The following GFM2 variants were observed in gnomAD, a reference collection of about 807,000 sequenced individuals.
GFM2 encodes the protein GTP dependent ribosome recycling factor mitochondrial 2.
A neutral mutation model predicts 95.4 loss-of-function variants in GFM2; 72 were observed. The observed-to-expected ratio is 0.76, with a 90% CI of 0.62 to 0.92. The LOEUF is 0.92. Among genes scored for constraint, GFM2 ranks in the 40% least tolerant of loss-of-function variants. The pLI, the probability that GFM2 is intolerant of heterozygous loss-of-function variation, is 0.00. For missense variants in GFM2, 825 were observed against 924.1 expected, an observed-to-expected ratio of 0.89 and a Z score of 1.39; for synonymous variants, 276 against 317.5, an observed-to-expected ratio of 0.87 and a Z score of 1.39.
At chr5:74,746,764 T>C (rs1043109711) in intron 8 of GFM2, among the ~76,000 whole-genome samples, 1 of 152,058 alleles carries the variant, frequency 6.6e-6, no homozygotes, top group African/African-American at 2.4e-5. Flanking sequence ...TCCCTCCCCA[T>C]TGCCAATGGC....
chr5:74,757,495 T>G (rs1407942247), intron 5 of GFM2, among the ~76,000 whole-genome samples: 1 of 151,948 alleles, frequency 6.6e-6, no homozygotes, highest in Admixed American at 6.6e-5. Context: ...TTATTCAGCC[T>G]TATAAAAGGA....
chr5:74,766,772 G>T (rs1440116755), intron 1 of GFM2, among the ~76,000 whole-genome samples, 166 bp downstream of exon 1: 1 of 152,242 alleles, frequency 6.6e-6, no homozygotes, highest in Non-Finnish European at 1.5e-5. Context: ...TTCGCCGAAT[G>T]ATAGAGAAAA....
chr5:74,758,500 G>A (rs534390827), intron 5 of GFM2, among the ~76,000 whole-genome samples: 4 of 152,232 alleles, frequency 2.6e-5, no homozygotes, highest in Admixed American at 1.3e-4. Context: ...CATTACTCTG[G>A]AGCAGCCAAA....
At chr5:74,765,812 C>T (rs1056598150) in intron 1 of GFM2, among the ~76,000 whole-genome samples, 10 of 151,870 alleles carry the variant, frequency 6.6e-5, no homozygotes, top group Non-Finnish European at 1.5e-4. Context: ...GCCCGACCAA[C>T]ATGGTGAAAC....
At chr5:74,752,426 C>G (rs574973430) in intron 5 of GFM2, among the ~76,000 whole-genome samples, 290 of 152,192 alleles carry the variant, frequency 1.9e-3, no homozygotes, top group African/African-American at 6.7e-3. Flanking sequence ...TGTATACACA[C>G]ACATAGTCTA....
chr5:74,758,899 G>A lies in GFM2; in HGVS notation c.254C>T (p.Thr85Ile), dbSNP rs1483440797. 6.2e-7 allele frequency: 1 copy of A among 1,610,476 alleles called. No individual in the cohort carries two copies. The highest frequency in any genetic ancestry group is 8.5e-7 in the Non-Finnish European group (1 of 1,176,818). Residue 85 changes from threonine to isoleucine, a missense_variant, in exon 5 of 21, where the codon ACC (threonine) becomes ATC (isoleucine). Coordinates refer to ENST00000296805, the MANE Select transcript of GFM2 (RefSeq NM_032380.5). Reference protein sequence around the residue: ...IMAHIDAGKTTTTERILYYSG... With the variant: ...IMAHIDAGKTITTERILYYSG... ...ATAGTACAATATTCTTTCTGTGGTG[G>A]TAGTTTTGCCTGCATCAATATGAGC...
intron 17 of GFM2, among the ~76,000 whole-genome samples, chr5:74,726,341 C>T (rs998487380): frequency 2.0e-5 from 3 of 152,126 alleles, no homozygotes; most frequent in African/African-American, 7.2e-5. Context: ...TAAAAACCTG[C>T]TCTGTATCAC....
rs143133388 is a variant in GFM2 at position 74,740,330 on chromosome 5, C to T, written c.931-193G>A. On this transcript the variant is annotated intron_variant, in intron 11 of 20. Transcript: ENST00000296805. ...TTTATTAGTTTATCTGTCTCCTATT[C>T]GCTAGAATGTAAAATCCATATAAGC... 4.8e-3 allele frequency among the ~76,000 whole-genome samples: 732 copies of T among 152,210 alleles called. 2 individuals are homozygous for T. Among genetic ancestry groups the T allele is most frequent in the African/African-American group, 0.016 (655 of 41,530 alleles).
At chr5:74,733,335 G>GAAA (rs59571482) in intron 15 of GFM2, 15 of 194,058 alleles carry the variant, frequency 7.7e-5, no homozygotes, top group Admixed American at 1.3e-4. Flanking sequence ...TACAAAAAAA[G>GAAA]AAAAAAAAAA....
At position 74,738,363 on chromosome 5, in the gene GFM2, A is replaced by T; in HGVS notation, c.1275T>A (p.Pro425=). ...AAGCAATGTTACCAGCAGTCAATGA[A>T]GGGATTTCTACATGTTGGTCAGCAA... The part of the protein sequence containing the change: ...LPFADQHVEI[P]SLTAGNIALT... The change falls in exon 14 of 21, where the codon CCT becomes CCA. Residue 425 remains proline, a synonymous_variant. Coordinates refer to ENST00000296805, the MANE Select transcript of GFM2 (RefSeq NM_032380.5). 1 of 1,613,682 alleles carries T rather than the reference A, an allele frequency of 6.2e-7. No individual in the cohort carries two copies. The highest frequency in any genetic ancestry group is 8.5e-7 in the Non-Finnish European group (1 of 1,179,660).
rs184208500 is a variant in GFM2, at chr5:74,744,782, T to C, written c.849+896A>G. Among the ~76,000 whole-genome samples, 562 of 152,296 alleles carry C rather than the reference T, an allele frequency of 3.7e-3. 6 individuals carry two copies. Among genetic ancestry groups the C allele is most frequent in the African/African-American group, 0.013 (536 of 41,572 alleles). ...GCACAAGTAGATACAAAAATGTTCA[T>C]AGCCACATTGTTTGTAACAGCAAAA... On this transcript the variant is annotated intron_variant, in intron 10 of 20. Transcript: ENST00000296805.
intron 17 of GFM2, among the ~76,000 whole-genome samples, chr5:74,728,756 T>C (rs1413131841): frequency 4.0e-5 from 4 of 99,930 alleles, no homozygotes; most frequent in Admixed American, 1.9e-4. Context: ...TTCTTTTTTT[T>C]TTTTTTTTTT....
At position 74,759,053 on chromosome 5, in the gene GFM2, T is replaced by C. The variant is rs1425143265; in HGVS notation, c.207-107A>G. The C allele has an allele frequency of 4.3e-6, 3 of 696,092 alleles. No individual in the cohort carries two copies. In the African/African-American group the frequency reaches 5.4e-5, roughly 13 times the overall value. The allele number at this position is 696,092 out of a possible 1,614,324, so 43.1% of individuals were successfully genotyped here. On this transcript the variant is annotated intron_variant, in intron 4 of 20. Coordinates refer to ENST00000296805, the MANE Select transcript of GFM2 (RefSeq NM_032380.5). ...TATTTCTATAATTTATAAAACTGTG[T>C]AAAAACTAGAAAAATGGAAAACATT... is the stretch of plus-strand genomic sequence containing the variant.
chr5:74,752,031 A>G (rs1361620108), intron 5 of GFM2, among the ~76,000 whole-genome samples: 2 of 152,190 alleles, frequency 1.3e-5, no homozygotes, highest in Non-Finnish European at 1.5e-5. Context: ...TAGATGATAA[A>G]TGATAGCCAC....
At chr5:74,754,509 G>A (rs1216627071) in intron 5 of GFM2, among the ~76,000 whole-genome samples, 2 of 151,982 alleles carry the variant, frequency 1.3e-5, no homozygotes, top group African/African-American at 4.8e-5. Flanking sequence ...AAGGTAAAGG[G>A]GGGAAAAAGA....
At position 74,741,629 on chromosome 5, in the gene GFM2, A is replaced by G. The variant is rs1743110621; in HGVS notation, c.850-20T>C. 1 of 1,370,488 alleles carries G rather than the reference A, an allele frequency of 7.3e-7. No individual in the cohort carries two copies. Among genetic ancestry groups the G allele is most frequent in the Non-Finnish European group, 1.0e-6 (1 of 974,718 alleles). The allele number at this position is 1,370,488 out of a possible 1,614,324, so 84.9% of individuals were successfully genotyped here. ...TGCAACCTATAAAGAAAGGTTTTAGAGTTCTATAACTTGCATTTACTTTCA... is the reference window on the plus strand; with the variant it reads ...TGCAACCTATAAAGAAAGGTTTTAGGGTTCTATAACTTGCATTTACTTTCA... On this transcript the variant is annotated intron_variant, in intron 10 of 20. Transcript: ENST00000296805.
intron 5 of GFM2, among the ~76,000 whole-genome samples, chr5:74,753,014 C>G (rs995850329): frequency 6.6e-6 from 1 of 152,070 alleles, no homozygotes; most frequent in Non-Finnish European, 1.5e-5. Context: ...TAATCCCCCC[C>G]ACCAAAAATC....
intron 17 of GFM2, among the ~76,000 whole-genome samples, chr5:74,728,393 T>C (rs570214038): frequency 1.1e-4 from 16 of 152,198 alleles, no homozygotes; most frequent in African/African-American, 3.9e-4. Context: ...AAGTAGAACA[T>C]CATAAAGGTC....
At chr5:74,750,878 T>C (rs1445596419) in intron 6 of GFM2, among the ~76,000 whole-genome samples, 2 of 152,148 alleles carry the variant, frequency 1.3e-5, no homozygotes, top group Non-Finnish European at 2.9e-5. Context: ...TGTCCACTGA[T>C]GTATGAATGG....
Sources: allele counts gnomAD v4.1 joint callset (sites outside exome capture counted in the v4.1 genomes callset), GRCh38; gene constraint gnomAD v4.1.1; transcripts MANE v1.5; gene names NCBI Gene and HGNC (gene_info 2026-07-23, HGNC 2026-07-21).